Variants in SEC13 observed in about 807,000 individuals in gnomAD.
SEC13 encodes SEC13 homolog, nuclear pore and COPII component.
SEC13 carries 25 observed loss-of-function variants against 49.2 expected under a neutral mutation model. The observed-to-expected ratio is 0.51, with a 90% CI of 0.37 to 0.71. The LOEUF (loss-of-function observed/expected upper bound fraction) is 0.71. SEC13 is among the 30% of genes least tolerant of loss of function. SEC13 has a pLI of 0.00. For synonymous variants in SEC13, 148 were observed against 163.9 expected (o/e 0.90, Z 0.74); for missense variants, 383 against 417.6 (o/e 0.92, Z 0.72).
chr3:10,317,968 G>T, intron 2 of SEC13, 82 bp downstream of exon 2: 1 of 897,472 alleles, frequency 1.1e-6, no homozygotes, highest in Non-Finnish European at 1.8e-6. Flanking sequence ...ACAGAAAGGG[G>T]TAATGAAAAC....
chr3:10,312,578 C>T lies in SEC13; in HGVS notation c.316+1G>A. On this transcript the variant is annotated splice_donor_variant, in intron 4 of 8. Transcript: ENST00000350697. LOFTEE classifies it high-confidence loss of function. ...CCGCTCTGCTGCCAAGCTCAGCATACCTGAGGAGTCGTGTCCCGCATGCTC... is the reference window on the plus strand; with the variant it reads ...CCGCTCTGCTGCCAAGCTCAGCATATCTGAGGAGTCGTGTCCCGCATGCTC... 1 of 1,614,078 alleles carries T rather than the reference C, an allele frequency of 6.2e-7. No individual in the cohort carries two copies. Among genetic ancestry groups the T allele is most frequent in the Non-Finnish European group, 8.5e-7 (1 of 1,179,942 alleles).
At chr3:10,313,417 A>T in intron 3 of SEC13, 1 of 530,860 alleles carries the variant, frequency 1.9e-6, no homozygotes, top group South Asian at 1.4e-5. Flanking sequence ...ACTTTAGGCA[A>T]GGATATCTTT....
intron 8 of SEC13, among the ~76,000 whole-genome samples, chr3:10,303,325 G>C (rs905628604): frequency 1.3e-5 from 2 of 152,248 alleles, no homozygotes. Context: ...CTGACCCTGC[G>C]GCGTTAGAGA....
intron 5 of SEC13, among the ~76,000 whole-genome samples, chr3:10,308,733 C>G (rs1382381066): frequency 6.7e-6 from 1 of 148,652 alleles, no homozygotes; most frequent in Non-Finnish European, 1.5e-5. Context: ...CCAAAATTTT[C>G]TTTAAAGTCT....
rs751803377 is a variant in SEC13, at chr3:10,321,061, C to A, written c.-9G>T. On this transcript the variant is annotated 5_prime_UTR_variant, in exon 1 of 9. Transcript: ENST00000350697. The surrounding 1 kb of genome is among the most constrained non-coding windows in gnomAD (Gnocchi z 4.1). ...GTACCAACACTCACCATGATTGCGG[C>A]GGTGGCTGCTCCAGGTCTCGGACGT... 9.3e-6 allele frequency: 15 copies of A among 1,612,998 alleles called. No individual in the cohort carries two copies. The East Asian group carries it at 3.3e-4, about 36-fold the overall frequency.
chr3:10,315,067 A>G, intron 3 of SEC13: 1 of 376,664 alleles, frequency 2.7e-6, no homozygotes, highest in Non-Finnish European at 4.9e-6. Flanking sequence ...CACTTGCCCA[A>G]GGTCTTCTGG....
intron 3 of SEC13, 189 bp downstream of exon 3, chr3:10,315,132 T>A (rs1054013183): frequency 1.8e-6 from 1 of 564,868 alleles, no homozygotes. Flanking sequence ...ACCTGTGCCC[T>A]TAACAGCATC....
chr3:10,320,027 G>A (rs1005440444), intron 1 of SEC13, among the ~76,000 whole-genome samples: 9 of 148,716 alleles, frequency 6.1e-5, no homozygotes, highest in African/African-American at 2.2e-4. Context: ...GAGAGAGAGA[G>A]AACTTCTTAG....
rs1701307759 is a variant in SEC13, at chr3:10,312,105, GA to G, written c.317-8del. 1 of 1,588,370 alleles carries G rather than the reference GA, an allele frequency of 6.3e-7. No individual in the cohort carries two copies. The highest frequency in any genetic ancestry group is 1.8e-5 in the Admixed American group (1 of 55,766). On this transcript the variant is annotated splice_region_variant and splice_polypyrimidine_tract_variant and intron_variant, in intron 4 of 8. Coordinates refer to ENST00000350697, the MANE Select transcript of SEC13 (RefSeq NM_183352.3). ...GCCCAGCACACCGAGTTCACTGCGGGAAGAGGGAGAGTGCAGTGAGCAAAGC... is the reference window on the plus strand; with the variant it reads ...GCCCAGCACACCGAGTTCACTGCGGGAGAGGGAGAGTGCAGTGAGCAAAGC...
chr3:10,315,833 C>T lies in SEC13; in HGVS notation c.49-397G>A, dbSNP rs145152948. ...GGAATACCCCTGGGTTCAGCTCAGCCCTAGCACCTGATGCTAATGCATGGG... is the reference window on the plus strand; with the variant it reads ...GGAATACCCCTGGGTTCAGCTCAGCTCTAGCACCTGATGCTAATGCATGGG... On this transcript the variant is annotated intron_variant, in intron 2 of 8. Coordinates refer to ENST00000350697, the MANE Select transcript of SEC13 (RefSeq NM_183352.3). Among the ~76,000 whole-genome samples the T allele has an allele frequency of 4.5e-3, 686 of 152,318 alleles. 11 individuals are homozygous for T. Among genetic ancestry groups the T allele is most frequent in the African/African-American group, 0.015 (636 of 41,582 alleles).
At chr3:10,315,571 T>G (rs1574888857) in intron 2 of SEC13, 135 bp from the exon 3 acceptor site, 2 of 626,800 alleles carry the variant, frequency 3.2e-6, no homozygotes, top group Non-Finnish European at 5.8e-6. Context: ...ATCATCACCC[T>G]CAGGCAGGAA....
chr3:10,308,549 A>T (rs1183223724), intron 5 of SEC13, among the ~76,000 whole-genome samples: 1 of 152,096 alleles, frequency 6.6e-6, no homozygotes, highest in East Asian at 1.9e-4. Context: ...TCTTTGTGTG[A>T]ACTTCAAAGT....
intron 5 of SEC13, among the ~76,000 whole-genome samples, chr3:10,309,747 A>G (rs1701133299): frequency 1.3e-5 from 2 of 152,204 alleles, no homozygotes; most frequent in South Asian, 2.1e-4. Flanking sequence ...TGTTTCTTAT[A>G]TAACAACTGT....
At position 10,301,259 on chromosome 3, in the gene SEC13, T is replaced by G. The variant is rs146431455; in HGVS notation, c.*2A>C. The G allele has an allele frequency of 1.2e-3, 1,976 of 1,614,180 alleles. 4 individuals are homozygous for G. Among genetic ancestry groups the G allele is most frequent in the Middle Eastern group, 3.3e-3 (20 of 6,062 alleles). On this transcript the variant is annotated 3_prime_UTR_variant, in exon 9 of 9. Coordinates refer to ENST00000350697, the MANE Select transcript of SEC13 (RefSeq NM_183352.3). The stretch of plus-strand genomic sequence containing the variant: ...GTGGGGAGCCAGGCCCCACCTGTCT[T>G]GTCACTGCTCGTTCTGCTGGCCCTC...
rs776264563 is a variant in SEC13 at position 10,312,102 on chromosome 3, C to A, written c.317-4G>T. The A allele has an allele frequency of 6.3e-7, 1 of 1,591,780 alleles. No homozygotes were observed. The highest frequency in any genetic ancestry group is 8.6e-7 in the Non-Finnish European group (1 of 1,168,556). ...GGGGCCCAGCACACCGAGTTCACTG[C>A]GGGAAGAGGGAGAGTGCAGTGAGCA... On this transcript the variant is annotated splice_polypyrimidine_tract_variant and splice_region_variant and intron_variant, in intron 4 of 8. Transcript: ENST00000350697.
In SEC13 at chr3:10,301,037, T is replaced by C. The variant is rs1396648250; in HGVS notation, c.*224A>G. The C allele has an allele frequency of 2.5e-6, 4 of 1,571,954 alleles. No individual in the cohort carries two copies. The highest frequency in any genetic ancestry group is 1.7e-5 in the Admixed American group (1 of 57,516). ...GACCCAAAATAGATTTGAACATCACTTGTAGTTTCTTCCTCGTAACATGAG... is the reference window on the plus strand; with the variant it reads ...GACCCAAAATAGATTTGAACATCACCTGTAGTTTCTTCCTCGTAACATGAG... On this transcript the variant is annotated 3_prime_UTR_variant, in exon 9 of 9. Transcript: ENST00000350697.
chr3:10,320,693 T>C (rs1252262925), intron 1 of SEC13: 1 of 1,133,266 alleles, frequency 8.8e-7, no homozygotes, highest in Non-Finnish European at 1.1e-6. Context: ...AATAGCACCT[T>C]CTTCACAAGG....
At chr3:10,303,916 A>T in intron 8 of SEC13, 110 bp downstream of exon 8, 1 of 1,215,270 alleles carries the variant, frequency 8.2e-7, no homozygotes, top group Non-Finnish European at 1.2e-6. Context: ...AGTCCTGGCT[A>T]AGGCTCCTGC....
At chr3:10,320,455 G>C in intron 1 of SEC13, 1 of 936,384 alleles carries the variant, frequency 1.1e-6, no homozygotes, top group Non-Finnish European at 1.3e-6. Flanking sequence ...CTGAGCCCCT[G>C]CCTTCGGAGG....
Sources: gnomAD v4.1 joint callset for allele counts (sites outside exome capture counted in the v4.1 genomes callset) on GRCh38, gnomAD v4.1.1 for gene constraint, Gnocchi (gnomAD v3.1) non-coding constraint, MANE v1.5 for transcripts, NCBI Gene and HGNC (gene_info 2026-07-23, HGNC 2026-07-21) for gene names.